Variants in CDH12 observed in about 807,000 individuals in gnomAD.
CDH12 encodes the protein cadherin 12.
Under a neutral mutation model 74.1 loss-of-function variants are expected in CDH12, and 41 were observed. The observed-to-expected ratio is 0.55, with a 90% CI of 0.43 to 0.72. CDH12 has a LOEUF of 0.72. CDH12 is among the 30% of genes least tolerant of loss of function. CDH12 has a pLI of 0.00. For synonymous variants in CDH12, 399 were observed against 355.0 expected, an observed-to-expected ratio of 1.12 and a Z score of -1.39; for missense variants, 945 against 977.2, an observed-to-expected ratio of 0.97 and a Z score of 0.44.
intron 5 of CDH12, among the ~76,000 whole-genome samples, chr5:21,997,983 T>C (rs969567558): frequency 1.3e-5 from 2 of 152,128 alleles, no homozygotes; most frequent in Non-Finnish European, 2.9e-5. Flanking sequence ...GCAGGAAAAC[T>C]TGCTGAAAAG....
At chr5:21,898,205 C>G (rs1753213484) in intron 6 of CDH12, among the ~76,000 whole-genome samples, 1 of 151,710 alleles carries the variant, frequency 6.6e-6, no homozygotes, top group Non-Finnish European at 1.5e-5. Context: ...AATTTTTTTT[C>G]TGTTTTTCTT....
At chr5:21,900,646 AT>A (rs1554042483) in intron 6 of CDH12, among the ~76,000 whole-genome samples, 2 of 152,174 alleles carry the variant, frequency 1.3e-5, no homozygotes, top group Non-Finnish European at 2.9e-5. Context: ...AGGGTGGCCC[AT>A]TTCTGATTTG....
intron 5 of CDH12, among the ~76,000 whole-genome samples, chr5:22,006,206 T>TG (rs1166522515): frequency 2.0e-5 from 3 of 152,058 alleles, no homozygotes; most frequent in Non-Finnish European, 2.9e-5. Flanking sequence ...TTAATATAGA[T>TG]GGGGGTCTCA....
At chr5:22,385,506 T>C (rs1190275519) in intron 3 of CDH12, among the ~76,000 whole-genome samples, 1 of 152,184 alleles carries the variant, frequency 6.6e-6, no homozygotes, top group Non-Finnish European at 1.5e-5. Flanking sequence ...GTAAATATTT[T>C]CACAACCTCA....
chr5:22,130,496 T>C (rs1368238769), intron 4 of CDH12, among the ~76,000 whole-genome samples: 1 of 152,104 alleles, frequency 6.6e-6, no homozygotes, highest in Non-Finnish European at 1.5e-5. Flanking sequence ...ATAAAGGTTC[T>C]GTTTATTTTC....
At chr5:22,477,577 T>A (rs185189196) in intron 2 of CDH12, among the ~76,000 whole-genome samples, 4 of 152,330 alleles carry the variant, frequency 2.6e-5, no homozygotes, top group Admixed American at 2.6e-4. Context: ...ATACAATGAT[T>A]TATATTCCTT....
At chr5:22,546,394 G>C (rs1738330122) in intron 1 of CDH12, among the ~76,000 whole-genome samples, 1 of 152,152 alleles carries the variant, frequency 6.6e-6, no homozygotes, top group Non-Finnish European at 1.5e-5. Flanking sequence ...AAAAATGAGA[G>C]ATGTCTGAAA....
In CDH12 at chr5:22,750,185, T is replaced by C. The variant is rs371740695; in HGVS notation, c.-523+102873A>G. 1.9e-4 allele frequency among the ~76,000 whole-genome samples: 29 copies of C among 152,188 alleles called. No homozygotes were observed. In the South Asian group the frequency reaches 2.7e-3, roughly 14 times the overall value. ...GATTTTTTTCTTTCCCTGGAGAGAT[T>C]AGGAAAGTGAACAAAGAGAAAAGCT... On this transcript the variant is annotated intron_variant, in intron 1 of 14. Coordinates refer to ENST00000382254, the MANE Select transcript of CDH12 (RefSeq NM_004061.5).
chr5:22,670,435 A>G (rs1221255784), intron 1 of CDH12, among the ~76,000 whole-genome samples: 1 of 152,164 alleles, frequency 6.6e-6, no homozygotes, highest in Non-Finnish European at 1.5e-5. Context: ...AGCTGCCTCT[A>G]CCACCTGCAG....
intron 2 of CDH12, among the ~76,000 whole-genome samples, chr5:22,425,199 T>TATATATA: frequency 1.5e-5 from 2 of 136,996 alleles, no homozygotes; most frequent in African/African-American, 5.6e-5. Context: ...ACTTCTTTCC[T>TATATATA]TTTAAATAAA....
At chr5:22,774,456 C>T (rs1746982336) in intron 1 of CDH12, among the ~76,000 whole-genome samples, 1 of 151,978 alleles carries the variant, frequency 6.6e-6, no homozygotes, top group Admixed American at 6.6e-5. Flanking sequence ...GGCTGTGTCC[C>T]CACCTAAATC....
intron 3 of CDH12, among the ~76,000 whole-genome samples, chr5:22,300,377 T>C (rs1047231877): frequency 6.6e-6 from 1 of 152,066 alleles, no homozygotes; most frequent in Non-Finnish European, 1.5e-5. Flanking sequence ...AAAGACTGTC[T>C]AATATTAGCC....
chr5:22,576,663 T>C (rs1739803008), intron 1 of CDH12, among the ~76,000 whole-genome samples: 1 of 152,072 alleles, frequency 6.6e-6, no homozygotes, highest in African/African-American at 2.4e-5. Flanking sequence ...GTTGCAGGTA[T>C]GCTACTGGGG....
At chr5:21,762,465 A>C (rs1000375823) in intron 12 of CDH12, among the ~76,000 whole-genome samples, 1 of 152,172 alleles carries the variant, frequency 6.6e-6, no homozygotes, top group African/African-American at 2.4e-5. Flanking sequence ...GACTAGGGGC[A>C]GAATGGCAGG....
chr5:22,727,788 A>G (rs1343736948), intron 1 of CDH12, among the ~76,000 whole-genome samples: 1 of 150,580 alleles, frequency 6.6e-6, no homozygotes, highest in Non-Finnish European at 1.5e-5. Flanking sequence ...TCTGGCTTCT[A>G]TTGTTTCTTT....
intron 5 of CDH12, among the ~76,000 whole-genome samples, chr5:21,980,381 TGAG>T (rs1014936094): frequency 2.0e-5 from 3 of 152,066 alleles, no homozygotes; most frequent in Non-Finnish European, 2.9e-5. Context: ...ATGGTTGTGA[TGAG>T]AAGGGTAAAA....
At position 22,418,480 on chromosome 5, in the gene CDH12, C is replaced by T. The variant is rs144310334; in HGVS notation, c.-427-13129G>A. On this transcript the variant is annotated intron_variant, in intron 2 of 14. Coordinates refer to ENST00000382254, the MANE Select transcript of CDH12 (RefSeq NM_004061.5). The stretch of plus-strand genomic sequence containing the variant: ...TGCCCTGGCCAGAACTTCCAATATT[C>T]TGTTGAATAGGAGTGGTGAGAGAGG... Among the ~76,000 whole-genome samples, 1,273 of 152,208 alleles carry T rather than the reference C, an allele frequency of 8.4e-3. 17 individuals are homozygous for T. Among genetic ancestry groups the T allele is most frequent in the African/African-American group, 0.029 (1,222 of 41,536 alleles).
At chr5:22,127,326 A>T (rs542023260) in intron 4 of CDH12, among the ~76,000 whole-genome samples, 1 of 152,036 alleles carries the variant, frequency 6.6e-6, no homozygotes, top group African/African-American at 2.4e-5. Flanking sequence ...AAAATACAAA[A>T]ATTAGCTGGG....
intron 1 of CDH12, among the ~76,000 whole-genome samples, chr5:22,787,239 C>A (rs1747684359): frequency 6.6e-6 from 1 of 152,012 alleles, no homozygotes; most frequent in South Asian, 2.1e-4. Flanking sequence ...TATTTTCTTC[C>A]ATTTCATTCC....
Sources: gnomAD v4.1 joint callset for allele counts (sites outside exome capture counted in the v4.1 genomes callset) on GRCh38, gnomAD v4.1.1 for gene constraint, MANE v1.5 for transcripts, NCBI Gene and HGNC (gene_info 2026-07-23, HGNC 2026-07-21) for gene names.